The following FERMT2 variants were observed in gnomAD, a reference collection of about 807,000 sequenced individuals.
FERMT2 encodes FERM domain containing kindlin 2.
In FERMT2, 15 loss-of-function variants were observed where a neutral mutation model predicts 82.7. The ratio of observed to expected loss-of-function variants is 0.18; its 90% CI spans 0.12 to 0.28. The LOEUF is 0.28. Ranked by LOEUF, FERMT2 falls within the 10% of genes least tolerant of loss-of-function variation. FERMT2 has a pLI of 1.00. For synonymous variants in FERMT2, 274 were observed against 271.5 expected, an observed-to-expected ratio of 1.01 and a Z score of -0.09; for missense variants, 645 against 809.4, an observed-to-expected ratio of 0.80 and a Z score of 2.46.
At chr14:52,875,816 T>G (rs1196868404) in intron 7 of FERMT2, among the ~76,000 whole-genome samples, 1 of 152,150 alleles carries the variant, frequency 6.6e-6, no homozygotes, top group East Asian at 1.9e-4. Flanking sequence ...AAGTCATCAT[T>G]ATTATGTCGA....
intron 3 of FERMT2, among the ~76,000 whole-genome samples, chr14:52,908,962 T>C (rs895827087): frequency 1.3e-5 from 2 of 152,182 alleles, no homozygotes; most frequent in Non-Finnish European, 2.9e-5. Context: ...TTCTCAGCCC[T>C]CTTGCTTGCG....
chr14:52,903,495 G>A (rs1887797716), intron 3 of FERMT2, among the ~76,000 whole-genome samples: 1 of 151,820 alleles, frequency 6.6e-6, no homozygotes, highest in Non-Finnish European at 1.5e-5. Context: ...CTGTGATTGT[G>A]TCACTGCAGT....
chr14:52,886,320 T>C (rs980697213), intron 4 of FERMT2, among the ~76,000 whole-genome samples: 2 of 151,826 alleles, frequency 1.3e-5, no homozygotes, highest in African/African-American at 2.4e-5. Flanking sequence ...ATATAATGTA[T>C]AGATATATAT....
intron 4 of FERMT2, among the ~76,000 whole-genome samples, chr14:52,884,575 T>C (rs982509625): frequency 1.3e-4 from 19 of 151,870 alleles, no homozygotes; most frequent in African/African-American, 4.6e-4. Context: ...CACTCCAGCC[T>C]GGGTGACAAG....
chr14:52,911,080 T>C (rs781653193), intron 3 of FERMT2, among the ~76,000 whole-genome samples: 14 of 152,352 alleles, frequency 9.2e-5, no homozygotes, highest in Non-Finnish European at 1.8e-4. Flanking sequence ...AAACCACTAA[T>C]GTTTCCCATA....
At chr14:52,911,176 C>T (rs987811694) in intron 3 of FERMT2, among the ~76,000 whole-genome samples, 5 of 152,090 alleles carry the variant, frequency 3.3e-5, no homozygotes, top group Admixed American at 6.5e-5. Context: ...GCTGCTATAA[C>T]GCAAAAGCAA....
At chr14:52,914,210 AT>A (rs1888489197) in intron 3 of FERMT2, among the ~76,000 whole-genome samples, 1 of 150,618 alleles carries the variant, frequency 6.6e-6, no homozygotes, top group African/African-American at 2.5e-5. Context: ...AAAAAAAAAA[AT>A]ATATAAAAAT....
chr14:52,943,542 C>G (rs1015851885), intron 2 of FERMT2, among the ~76,000 whole-genome samples: 37 of 152,026 alleles, frequency 2.4e-4, no homozygotes, highest in African/African-American at 8.9e-4. Context: ...AAAATGGATG[C>G]ATATTAGATG....
rs751033775 is a variant in FERMT2, at chr14:52,874,225, C to T, written c.1100G>A (p.Gly367Asp). ...LEGGKTSTIL[G>D]DITSIPELAD... The stretch of plus-strand genomic sequence containing the variant: ...AAGTTCAGGAATGGAAGTAATGTCA[C>T]CCTAGGAGAGAGTTAAATCCTTTTT... Residue 367 changes from glycine to aspartate, a missense_variant and splice_region_variant, in exon 9 of 15, where the codon GGT (glycine) becomes GAT (aspartate). Physicochemically the swap from Gly to Asp is moderately conservative, Grantham distance 94. Coordinates refer to ENST00000341590, the MANE Select transcript of FERMT2 (RefSeq NM_006832.3). 1 of 1,580,038 alleles carries T rather than the reference C, an allele frequency of 6.3e-7. No individual in the cohort carries two copies. The highest frequency in any genetic ancestry group is 2.3e-5 in the East Asian group (1 of 43,720).
intron 3 of FERMT2, among the ~76,000 whole-genome samples, chr14:52,917,422 T>C (rs1888675830): frequency 6.6e-6 from 1 of 152,240 alleles, no homozygotes; most frequent in Non-Finnish European, 1.5e-5. Context: ...CTTCAAGTCA[T>C]ATTTGTCATT....
intron 2 of FERMT2, among the ~76,000 whole-genome samples, chr14:52,937,117 G>A (rs879839585): frequency 3.9e-5 from 6 of 151,970 alleles, no homozygotes; most frequent in Admixed American, 6.6e-5. Flanking sequence ...AGCTTAGATC[G>A]TGCCACTGCA....
rs1279060741 is a variant in FERMT2, at chr14:52,858,302, A to G, written c.*75T>C. 10 of 1,293,128 alleles carry G rather than the reference A, an allele frequency of 7.7e-6. No homozygotes were observed. The African/African-American group carries it at 1.5e-4, about 19-fold the overall frequency. 80.1% of individuals were successfully genotyped at this position (1,293,128 alleles called of 1,614,324 possible). ...TGATAAATTTCAAGCTTACTTTATT[A>G]AGCAGCATATAACAAACAGCTTTTA... On this transcript the variant is annotated 3_prime_UTR_variant, in exon 15 of 15. Transcript: ENST00000341590.
chr14:52,912,842 T>C (rs944787259), intron 3 of FERMT2, among the ~76,000 whole-genome samples: 2 of 152,206 alleles, frequency 1.3e-5, no homozygotes, highest in African/African-American at 2.4e-5. Context: ...ATCCCAGTGA[T>C]AGGATTAACT....
At chr14:52,863,148 T>A (rs1024991064) in intron 12 of FERMT2, 14 of 152,228 alleles carry the variant, frequency 9.2e-5, no homozygotes, top group African/African-American at 3.1e-4. Flanking sequence ...CAGGGCAGCA[T>A]TTCCTCCATT....
At chr14:52,868,832 T>C (rs986783594) in intron 10 of FERMT2, among the ~76,000 whole-genome samples, 7 of 152,166 alleles carry the variant, frequency 4.6e-5, no homozygotes, top group South Asian at 4.2e-4. Flanking sequence ...ACAAAAATCA[T>C]AGGGCTTGTT....
chr14:52,932,846 A>G (rs1595013605), intron 2 of FERMT2, among the ~76,000 whole-genome samples: 1 of 152,204 alleles, frequency 6.6e-6, no homozygotes, highest in South Asian at 2.1e-4. Flanking sequence ...AGAATTCTCA[A>G]CAGTGCAATC....
chr14:52,899,277 A>C (rs557486032), intron 3 of FERMT2, among the ~76,000 whole-genome samples: 96 of 149,328 alleles, frequency 6.4e-4, no homozygotes, highest in Admixed American at 1.1e-3. Flanking sequence ...TTCTGATTCC[A>C]GCTTTTATTT....
chr14:52,943,731 T>C (rs187486298), intron 2 of FERMT2, among the ~76,000 whole-genome samples: 1 of 152,286 alleles, frequency 6.6e-6, no homozygotes, highest in East Asian at 1.9e-4. Flanking sequence ...TATAGAAAAT[T>C]CAAATGGCAA....
intron 2 of FERMT2, among the ~76,000 whole-genome samples, chr14:52,946,518 T>C (rs1890363247): frequency 6.6e-6 from 1 of 151,998 alleles, no homozygotes; most frequent in Non-Finnish European, 1.5e-5. Context: ...CAAGATGTGG[T>C]GGTGCGTGCC....
Sources: allele counts gnomAD v4.1 joint callset (sites outside exome capture counted in the v4.1 genomes callset), GRCh38; gene constraint gnomAD v4.1.1; transcripts MANE v1.5; gene names NCBI Gene and HGNC (gene_info 2026-07-23, HGNC 2026-07-21).